Variants in HTT observed in about 807,000 individuals in gnomAD.
HTT encodes the protein huntingtin.
Under a neutral mutation model 362.3 loss-of-function variants are expected in HTT, and 104 were observed. The ratio of observed to expected loss-of-function variants is 0.29; its 90% CI spans 0.24 to 0.34. The LOEUF (loss-of-function observed/expected upper bound fraction) is 0.34, where lower values mean the gene tolerates loss of function less well. Among genes scored for constraint, HTT ranks in the 10% least tolerant of loss-of-function variants. The pLI, the probability that HTT is intolerant of heterozygous loss-of-function variation, is 1.00. For missense variants in HTT, 3,301 were observed against 3,928.6 expected (o/e 0.84, Z 4.27); for synonymous variants, 1,577 against 1,548.7 (o/e 1.02, Z -0.43).
chr4:3,146,617 A>G (rs936903336), intron 24 of HTT, among the ~76,000 whole-genome samples, 180 bp from the exon 25 acceptor site: 1 of 152,176 alleles, frequency 6.6e-6, no homozygotes, highest in Non-Finnish European at 1.5e-5. Flanking sequence ...TCATTTCTCA[A>G]ATGATTTTTA....
chr4:3,142,704 T>C, intron 22 of HTT, 62 bp from the exon 23 acceptor site: 1 of 871,892 alleles, frequency 1.1e-6, no homozygotes, highest in South Asian at 2.2e-5. Context: ...TTAAATGCCA[T>C]TTGATCTTTA....
rs1287460301 is a variant in HTT, at chr4:3,107,406, A to G, written c.730A>G (p.Asn244Asp). Residue 244 changes from asparagine (N) to aspartate (D), a missense_variant, in exon 6 of 67, where the codon AAT becomes GAT. By Grantham distance (23) the Asn-to-Asp change is conservative (BLOSUM62 1). Transcript: ENST00000355072. ...TATGGCTTCTTTTGGCAATTTTGCA[A>G]ATGACAATGAAATTAAGGTATGATT... ...KIMASFGNFA[N>D]DNEIKVLLKA... is the part of the protein sequence containing the mutation. 10 of 1,614,100 alleles carry G rather than the reference A, an allele frequency of 6.2e-6. No homozygotes were observed. Among genetic ancestry groups the G allele is most frequent in the Non-Finnish European group, 8.5e-6 (10 of 1,180,036 alleles).
At chr4:3,164,836 C>T (rs1006376273) in intron 29 of HTT, among the ~76,000 whole-genome samples, 5 of 152,130 alleles carry the variant, frequency 3.3e-5, no homozygotes, top group African/African-American at 1.2e-4. Context: ...AGATGGGTCT[C>T]CTGAATACAG....
intron 2 of HTT, among the ~76,000 whole-genome samples, chr4:3,094,847 CG>C (rs1337392615): frequency 6.7e-6 from 1 of 150,198 alleles, no homozygotes; most frequent in Non-Finnish European, 1.5e-5. Flanking sequence ...ACCTCCCAGA[CG>C]GGGTGGCAGT....
Position 3,239,009 on chromosome 4 carries a change from C to T in HTT, c.9215+31C>T, listed in dbSNP as rs549371556. The T allele has an allele frequency of 4.4e-4, 693 of 1,578,318 alleles. 12 individuals carry two copies. The South Asian group carries it at 7.3e-3, about 17-fold the overall frequency. On this transcript the variant is annotated intron_variant, in intron 66 of 66. Coordinates refer to ENST00000355072, the MANE Select transcript of HTT (RefSeq NM_001388492.1). ...CTCTCTGGGTCCCTGGTGCTGGCCC[C>T]GTTTCCCTTGTCAACACCGAGGCTC...
chr4:3,211,804 G>A, intron 47 of HTT, 125 bp from the exon 48 acceptor site: 1 of 662,708 alleles, frequency 1.5e-6, no homozygotes, highest in East Asian at 2.7e-5. Flanking sequence ...ATTTTTGATG[G>A]TATACCAATT....
At chr4:3,117,341 CTTG>C (rs1489323118) in intron 8 of HTT, among the ~76,000 whole-genome samples, 1 of 151,524 alleles carries the variant, frequency 6.6e-6, no homozygotes, top group African/African-American at 2.4e-5. Flanking sequence ...TTTACCTTGC[CTTG>C]TTTTTTTTTT....
In HTT at chr4:3,206,779, C is replaced by T; in HGVS notation, c.5899-28C>T. On this transcript the variant is annotated intron_variant, in intron 43 of 66. Transcript: ENST00000355072. The surrounding 1 kb of genome is among the most constrained non-coding windows in gnomAD (Gnocchi z 4.6). The stretch of plus-strand genomic sequence containing the variant: ...AATTTCTGATTTGCAAAATAGTCAT[C>T]TTTTGTTCTTTTCCTTCTTGCTGTT... 6.3e-7 allele frequency: 1 copy of T among 1,591,576 alleles called. No individual in the cohort carries two copies. Among genetic ancestry groups the T allele is most frequent in the Non-Finnish European group, 8.6e-7 (1 of 1,166,834 alleles).
chr4:3,109,748 A>G (rs1714638850), intron 6 of HTT, among the ~76,000 whole-genome samples: 3 of 151,944 alleles, frequency 2.0e-5, no homozygotes, highest in Admixed American at 2.0e-4. Context: ...GGACCTGGGG[A>G]GGAGGAGGAG....
At chr4:3,118,374 C>G (rs533498554) in intron 8 of HTT, among the ~76,000 whole-genome samples, 2 of 151,982 alleles carry the variant, frequency 1.3e-5, no homozygotes, top group African/African-American at 4.8e-5. Flanking sequence ...ATTACTAAAC[C>G]GTTTAGCAAG....
chr4:3,172,794 G>GT, intron 30 of HTT, 114 bp from the exon 31 acceptor site: 1 of 769,328 alleles, frequency 1.3e-6, no homozygotes. Flanking sequence ...ATTTCACGCT[G>GT]TGAGTCTTTG....
In HTT at chr4:3,214,145, C is replaced by A. The variant is rs775119459; in HGVS notation, c.6952+10C>A. 6.8e-7 allele frequency: 1 copy of A among 1,473,522 alleles called. No homozygotes were observed. Among genetic ancestry groups the A allele is most frequent in the Non-Finnish European group, 9.1e-7 (1 of 1,098,594 alleles). The allele number at this position is 1,473,522 out of a possible 1,614,324, so 91.3% of individuals were successfully genotyped here. ...TTCATCCTGGAGGCCGGTGAGTCCCCGTCCATGAACGGTGGGTTCCTATCA... is the reference window on the plus strand; with the variant it reads ...TTCATCCTGGAGGCCGGTGAGTCCCAGTCCATGAACGGTGGGTTCCTATCA... On this transcript the variant is annotated intron_variant, in intron 50 of 66. Transcript: ENST00000355072.
chr4:3,226,884 T>C (rs1020903482), intron 57 of HTT, among the ~76,000 whole-genome samples: 4 of 152,248 alleles, frequency 2.6e-5, no homozygotes, highest in African/African-American at 9.6e-5. Flanking sequence ...CCAGCCTGTA[T>C]TTTTCTAGAC....
At chr4:3,168,804 G>A (rs1279985283) in intron 29 of HTT, among the ~76,000 whole-genome samples, 1 of 152,168 alleles carries the variant, frequency 6.6e-6, no homozygotes, top group Non-Finnish European at 1.5e-5. Context: ...TGAGCCTTGG[G>A]AGGTTGAGGC....
At chr4:3,147,238 C>T (rs41264727) in intron 25 of HTT, among the ~76,000 whole-genome samples, 196 of 152,276 alleles carry the variant, frequency 1.3e-3, no homozygotes, top group Non-Finnish European at 2.1e-3. Context: ...AGTACTCCCT[C>T]GGGCACTGGG....
At chr4:3,151,170 G>A (rs1422749766) in intron 26 of HTT, among the ~76,000 whole-genome samples, 8 of 151,994 alleles carry the variant, frequency 5.3e-5, no homozygotes, top group African/African-American at 1.2e-4. Context: ...GTATGAGTTC[G>A]TTCTCACACT....
intron 1 of HTT, among the ~76,000 whole-genome samples, chr4:3,075,966 A>C (rs1712526412): frequency 6.6e-6 from 1 of 152,174 alleles, no homozygotes; most frequent in Admixed American, 6.5e-5. Flanking sequence ...TAAAACCAAC[A>C]CGTTGCTGAT....
chr4:3,090,388 G>C (rs1190596303), intron 2 of HTT, among the ~76,000 whole-genome samples: 5 of 152,156 alleles, frequency 3.3e-5, no homozygotes, highest in African/African-American at 1.2e-4. Context: ...TGTTTGAGTA[G>C]GTAGGGACTA....
At chr4:3,075,647 C>CGGGGGGGGGGGG (rs1560535774) in intron 1 of HTT, among the ~76,000 whole-genome samples, 2 of 61,682 alleles carry the variant, frequency 3.2e-5, no homozygotes, top group Non-Finnish European at 2.9e-5. Context: ...AGTGGCGGGG[C>CGGGGGGGGGGGG]AGGGGGGGGG....
Sources: gnomAD v4.1 joint callset for allele counts (sites outside exome capture counted in the v4.1 genomes callset) on GRCh38, gnomAD v4.1.1 for gene constraint, Gnocchi (gnomAD v3.1) non-coding constraint, MANE v1.5 for transcripts, NCBI Gene and HGNC (gene_info 2026-07-23, HGNC 2026-07-21) for gene names.